ZNF493: variants seen among roughly 807,000 people sequenced by gnomAD.
The protein encoded by ZNF493 is zinc finger protein 493.
In ZNF493, 11 loss-of-function variants were observed where a neutral mutation model predicts 12.2. The ratio of observed to expected loss-of-function variants is 0.90; its 90% CI spans 0.57 to 1.50. The LOEUF is 1.50. Ranked by LOEUF, ZNF493 falls within the 40% of genes most tolerant of loss-of-function variation. The pLI, the probability that ZNF493 is intolerant of heterozygous loss-of-function variation, is 0.00. For synonymous variants in ZNF493, 286 were observed against 302.6 expected (o/e 0.95, Z 0.57); for missense variants, 950 against 906.6 (o/e 1.05, Z -0.61).
chr19:21,418,723 T>G (rs545234242), intron 3 of ZNF493, among the ~76,000 whole-genome samples: 2 of 152,212 alleles, frequency 1.3e-5, no homozygotes, highest in African/African-American at 4.8e-5. Flanking sequence ...TCTAGAGATA[T>G]TAGATTAACT....
At position 21,426,098 on chromosome 19, in the gene ZNF493, C is replaced by A; in HGVS notation, c.*1114C>A. On this transcript the variant is annotated 3_prime_UTR_variant, in exon 4 of 4. Coordinates refer to ENST00000392288, the MANE Select transcript of ZNF493 (RefSeq NM_001076678.3). ...TACGATAATTCTTACTGCAGAGAAA[C>A]TCTACAAACCAGTAAGATGTGACAG... 1 of 301,426 alleles carries A rather than the reference C, an allele frequency of 3.3e-6. No individual in the cohort carries two copies. The highest frequency in any genetic ancestry group is 2.2e-5 in the African/African-American group (1 of 45,482). The allele number at this position is 301,426 out of a possible 1,614,324, so 18.7% of individuals were successfully genotyped here.
chr19:21,424,935 A>C lies in ZNF493; in HGVS notation c.2276A>C (p.His759Pro). The change falls in exon 4 of 4, where the codon CAT becomes CCT. Residue 759 changes from histidine (H) to proline (P), a missense_variant. Physicochemically the swap from His to Pro is moderately conservative, Grantham distance 77. Coordinates refer to ENST00000392288, the MANE Select transcript of ZNF493 (RefSeq NM_001076678.3). ...AGGCGGTCTTCACATCTTAGTAGAC[A>C]TAAGATAATTCATATTGGAATTCAT... ...AFRRSSHLSR[H>P]KIIHIGIHTE... The C allele has an allele frequency of 6.2e-7, 1 of 1,606,614 alleles. No individual in the cohort carries two copies. The highest frequency in any genetic ancestry group is 1.3e-5 in the African/African-American group (1 of 74,584).
At chr19:21,421,134 T>A (rs1201382315) in intron 3 of ZNF493, among the ~76,000 whole-genome samples, 3 of 152,186 alleles carry the variant, frequency 2.0e-5, no homozygotes, top group South Asian at 4.1e-4. Context: ...GATATAAATA[T>A]CTTTGCTTGT....
At chr19:21,406,336 G>A (rs536564396) in intron 3 of ZNF493, among the ~76,000 whole-genome samples, 3 of 152,034 alleles carry the variant, frequency 2.0e-5, no homozygotes, top group South Asian at 2.1e-4. Flanking sequence ...GAAGCCTTTG[G>A]CATTTTTTTG....
At chr19:21,422,858 CTA>C in intron 3 of ZNF493, 53 bp from the exon 4 acceptor site, 1 of 1,415,720 alleles carries the variant, frequency 7.1e-7, no homozygotes, top group African/African-American at 1.4e-5. Context: ...GATTTGTAAT[CTA>C]TATTTATCTG....
In ZNF493 at chr19:21,423,520, TACTA is replaced by T; in HGVS notation, c.862_865del (p.Thr288GlufsTer25). The T allele has an allele frequency of 6.2e-7, 1 of 1,613,714 alleles. No homozygotes were observed. The highest frequency in any genetic ancestry group is 8.5e-7 in the Non-Finnish European group (1 of 1,179,820). On this transcript the variant is annotated frameshift_variant, in exon 4 of 4. Transcript: ENST00000392288. LOFTEE classifies it low-confidence loss of function (END_TRUNC). ...ACCTTACTAGGCATAAGCTAATTCA[TACTA>T]GAGAGAAACCCTATAAATGTGAACA...
chr19:21,421,821 G>T (rs536939505), intron 3 of ZNF493, among the ~76,000 whole-genome samples: 11 of 152,188 alleles, frequency 7.2e-5, no homozygotes, highest in Non-Finnish European at 1.6e-4. Context: ...CTGAAATTTT[G>T]TGTTTATTTT....
At chr19:21,397,647 AT>A in intron 1 of ZNF493, 1 of 458,572 alleles carries the variant, frequency 2.2e-6, no homozygotes, top group Non-Finnish European at 3.8e-6. Context: ...CCCAGTTGCT[AT>A]TTTCTCCTAT....
At position 21,423,215 on chromosome 19, in the gene ZNF493, A is replaced by T. The variant is rs879063071; in HGVS notation, c.556A>T (p.Lys186Ter). 1 of 1,613,854 alleles carries T rather than the reference A, an allele frequency of 6.2e-7. No homozygotes were observed. Among genetic ancestry groups the T allele is most frequent in the South Asian group, 1.1e-5 (1 of 91,060 alleles). Residue 186 changes from lysine to a stop codon, truncating the protein, a stop_gained, in exon 4 of 4, where the codon AAA becomes TAA. Coordinates refer to ENST00000392288, the MANE Select transcript of ZNF493 (RefSeq NM_001076678.3). LOFTEE classifies it low-confidence loss of function (END_TRUNC). ...TGGAAAGAAACCTTTCAAATGTAAA[A>T]AATGTGGCAAATCATTTTGCATGCT... is the stretch of plus-strand genomic sequence containing the variant. ...HTGKKPFKCK[K>*]CGKSFCMLLH...
rs1301900254 is a variant in ZNF493, at chr19:21,424,508, A to C, written c.1849A>C (p.Ser617Arg). Residue 617 changes from serine to arginine, a missense_variant, in exon 4 of 4, where the codon AGT (serine) becomes CGT (arginine). Transcript: ENST00000392288. ...GKAFNRSSIL[S>R]IHKKIHTGEK... ...AGCTTTTAACCGATCTTCAATCCTTAGTATACATAAGAAAATTCATACTGG... is the reference window on the plus strand; with the variant it reads ...AGCTTTTAACCGATCTTCAATCCTTCGTATACATAAGAAAATTCATACTGG... 5 of 1,613,390 alleles carry C rather than the reference A, an allele frequency of 3.1e-6. No individual in the cohort carries two copies. The highest frequency in any genetic ancestry group is 1.7e-5 in the Admixed American group (1 of 59,868).
At chr19:21,410,178 G>C (rs1296407605) in intron 3 of ZNF493, among the ~76,000 whole-genome samples, 1 of 151,100 alleles carries the variant, frequency 6.6e-6, no homozygotes, top group African/African-American at 2.4e-5. Flanking sequence ...CAATAAACAT[G>C]GATGTTCTAA....
At chr19:21,399,747 T>C (rs964006288) in intron 1 of ZNF493, among the ~76,000 whole-genome samples, 2 of 152,292 alleles carry the variant, frequency 1.3e-5, no homozygotes, top group African/African-American at 4.8e-5. Context: ...TCAAACAGAA[T>C]TTCAAGGCTT....
chr19:21,412,764 G>C (rs1236091899), intron 3 of ZNF493: 1 of 274,052 alleles, frequency 3.6e-6, no homozygotes, highest in Non-Finnish European at 7.1e-6. Flanking sequence ...AGGTGTGCTT[G>C]GGATGCTTTA....
chr19:21,416,727 A>G (rs1483650479), intron 3 of ZNF493, among the ~76,000 whole-genome samples: 1 of 152,166 alleles, frequency 6.6e-6, no homozygotes, highest in Non-Finnish European at 1.5e-5. Flanking sequence ...CTTATGGCAC[A>G]ATCAGGAGCT....
chr19:21,410,019 CAA>C (rs2030268257), intron 3 of ZNF493, among the ~76,000 whole-genome samples: 1 of 148,152 alleles, frequency 6.7e-6, no homozygotes, highest in Admixed American at 6.8e-5. Context: ...TAAAATGTGA[CAA>C]TATTTTCTTC....
chr19:21,427,099 G>A lies in ZNF493; in HGVS notation c.*2115G>A, dbSNP rs947716050. ...AGGTATGAGAGATTCTTCTTCATTA[G>A]ATGGGCATTATTTATGATCTTTTCT... On this transcript the variant is annotated 3_prime_UTR_variant, in exon 4 of 4. Transcript: ENST00000392288. 3.0e-5 allele frequency: 5 copies of A among 166,900 alleles called. No individual in the cohort carries two copies. The highest frequency in any genetic ancestry group is 7.3e-5 in the Non-Finnish European group (5 of 68,108). 10.3% of individuals were successfully genotyped at this position (166,900 alleles called of 1,614,324 possible). A position where few individuals can be genotyped will look rare whatever the true frequency, so the allele number is the denominator to read the frequency against.
chr19:21,408,366 G>A lies in ZNF493; in HGVS notation c.253+2510G>A, dbSNP rs1325757522. 1.0e-5 allele frequency: 9 copies of A among 881,992 alleles called. No homozygotes were observed. In the East Asian group the frequency reaches 9.7e-4, roughly 95 times the overall value. The allele number at this position is 881,992 out of a possible 1,614,324, so 54.6% of individuals were successfully genotyped here. A position where few individuals can be genotyped will look rare whatever the true frequency, so the allele number is the denominator to read the frequency against. ...CTGGGTCTCGAACTCCTGACCTCAG[G>A]TGATCCACCCGCCTTGGCCTCCTGG... On this transcript the variant is annotated intron_variant, in intron 3 of 3. Transcript: ENST00000392288.
intron 2 of ZNF493, 156 bp from the exon 3 acceptor site, chr19:21,405,605 A>G: frequency 7.2e-6 from 8 of 1,106,252 alleles, no homozygotes; most frequent in Non-Finnish European, 9.7e-6. Context: ...ACAAATTTAA[A>G]ATATTTTCTA....
intron 3 of ZNF493, chr19:21,414,612 C>T (rs1168031384): frequency 6.6e-6 from 1 of 152,168 alleles, no homozygotes; most frequent in East Asian, 1.9e-4. Context: ...GAAATCGTAA[C>T]TGAGCATTTT....
Sources: gnomAD v4.1 joint callset for allele counts (sites outside exome capture counted in the v4.1 genomes callset) on GRCh38, gnomAD v4.1.1 for gene constraint, MANE v1.5 for transcripts, NCBI Gene and HGNC (gene_info 2026-07-23, HGNC 2026-07-21) for gene names.